CDH4: variants seen among roughly 807,000 people sequenced by gnomAD.
CDH4 encodes cadherin 4, also known as cadherin-4.
Under a neutral mutation model 86.0 loss-of-function variants are expected in CDH4, and 33 were observed. The ratio of observed to expected loss-of-function variants is 0.38; its 90% CI spans 0.29 to 0.51. The LOEUF is 0.51. Ranked by LOEUF, CDH4 falls within the 20% of genes least tolerant of loss-of-function variation. The pLI is 0.86. For synonymous variants in CDH4, 555 were observed against 549.4 expected (o/e 1.01, Z -0.14); for missense variants, 1,114 against 1,307.4 (o/e 0.85, Z 2.28).
chr20:61,324,142 G>T (rs2084524480), intron 2 of CDH4, among the ~76,000 whole-genome samples: 1 of 152,168 alleles, frequency 6.6e-6, no homozygotes, highest in South Asian at 2.1e-4. Flanking sequence ...GTCCAAATGT[G>T]GTCCTGGCCT....
chr20:61,505,200 T>C (rs574509898), intron 2 of CDH4, among the ~76,000 whole-genome samples: 1 of 152,228 alleles, frequency 6.6e-6, no homozygotes, highest in East Asian at 1.9e-4. Context: ...TACAGCAAAG[T>C]GATGGCTAAA....
chr20:61,651,083 T>C (rs6061695), intron 2 of CDH4, among the ~76,000 whole-genome samples: 51,250 of 151,814 alleles, frequency 0.34, 8,835 homozygotes, highest in East Asian at 0.58. Context: ...TGCTTGGCCG[T>C]GCACTGGTGT....
intron 2 of CDH4, among the ~76,000 whole-genome samples, chr20:61,288,528 G>T (rs1190665274): frequency 6.6e-6 from 1 of 152,220 alleles, no homozygotes; most frequent in Non-Finnish European, 1.5e-5. Context: ...AGCATGGGCT[G>T]GGGGCTCTGA....
chr20:61,419,940 G>A (rs906009186), intron 2 of CDH4, among the ~76,000 whole-genome samples: 1 of 152,222 alleles, frequency 6.6e-6, no homozygotes, highest in Non-Finnish European at 1.5e-5. Context: ...GCAGCTTCAT[G>A]AAAAGCACCC....
intron 2 of CDH4, among the ~76,000 whole-genome samples, chr20:61,606,320 G>A (rs983242238): frequency 1.3e-5 from 2 of 152,216 alleles, no homozygotes; most frequent in African/African-American, 2.4e-5. Context: ...ACAGCATGGG[G>A]GAGAGCTGCT....
chr20:61,770,882 CAAAA>C (rs4002953), intron 3 of CDH4, among the ~76,000 whole-genome samples: 1 of 111,978 alleles, frequency 8.9e-6, no homozygotes, highest in African/African-American at 3.5e-5. Flanking sequence ...GACTCCGTCT[CAAAA>C]AAAAAAAAAA....
At chr20:61,648,746 C>T (rs1344430306) in intron 2 of CDH4, among the ~76,000 whole-genome samples, 1 of 152,166 alleles carries the variant, frequency 6.6e-6, no homozygotes, top group Non-Finnish European at 1.5e-5. Context: ...ACTCTGGGTC[C>T]CAGTATTTGC....
intron 2 of CDH4, chr20:61,717,912 G>A (rs1423713524): frequency 1.3e-5 from 2 of 152,234 alleles, no homozygotes; most frequent in African/African-American, 4.8e-5. Context: ...ACAGGAGAGT[G>A]GGCTCTGGCA....
At chr20:61,546,183 T>C (rs888920202) in intron 2 of CDH4, among the ~76,000 whole-genome samples, 2 of 116,864 alleles carry the variant, frequency 1.7e-5, no homozygotes, top group Middle Eastern at 6.0e-3. Flanking sequence ...TGTGGGGGTA[T>C]GTGGGATACG....
chr20:61,652,938 A>ATTTTTTTATTTTTTTT (rs1555819717), intron 2 of CDH4, among the ~76,000 whole-genome samples: 131 of 97,384 alleles, frequency 1.3e-3, no homozygotes, highest in African/African-American at 4.1e-3. Flanking sequence ...TTATTTATTT[A>ATTTTTTTATTTTTTTT]TTTTTTTTTT....
chr20:61,627,867 T>C (rs1600819190), intron 2 of CDH4, among the ~76,000 whole-genome samples: 1 of 152,054 alleles, frequency 6.6e-6, no homozygotes, highest in South Asian at 2.1e-4. Context: ...TTCTCCCTTT[T>C]GTGTCGGTGT....
intron 2 of CDH4, among the ~76,000 whole-genome samples, chr20:61,454,352 T>C (rs1368320331): frequency 6.6e-6 from 1 of 151,890 alleles, no homozygotes; most frequent in Non-Finnish European, 1.5e-5. Context: ...GGGAAGGTTG[T>C]GATGGGAGGG....
At chr20:61,533,621 G>A (rs967116673) in intron 2 of CDH4, among the ~76,000 whole-genome samples, 2 of 152,232 alleles carry the variant, frequency 1.3e-5, no homozygotes, top group African/African-American at 4.8e-5. Context: ...GCCTCACTCT[G>A]CAATTAGAGC....
chr20:61,875,502 G>T (rs914123075), intron 7 of CDH4, among the ~76,000 whole-genome samples: 2 of 152,234 alleles, frequency 1.3e-5, no homozygotes, highest in Non-Finnish European at 2.9e-5. Flanking sequence ...GGACTCCAAG[G>T]ATCAGAGATG....
At chr20:61,834,998 C>G (rs571600896) in intron 4 of CDH4, among the ~76,000 whole-genome samples, 1 of 152,186 alleles carries the variant, frequency 6.6e-6, no homozygotes, top group Non-Finnish European at 1.5e-5. Context: ...CGTCACAGAC[C>G]GGCTTCCTAA....
intron 3 of CDH4, among the ~76,000 whole-genome samples, chr20:61,758,456 C>T (rs187009994): frequency 9.2e-5 from 14 of 152,272 alleles, no homozygotes; most frequent in East Asian, 3.9e-4. Context: ...TCTGTCCTGA[C>T]GCAATCGGAG....
chr20:61,616,812 C>T (rs1210357174), intron 2 of CDH4, among the ~76,000 whole-genome samples: 1 of 152,214 alleles, frequency 6.6e-6, no homozygotes, highest in Non-Finnish European at 1.5e-5. Context: ...TGCAGGGACG[C>T]AGGCCAGAAA....
At position 61,924,540 on chromosome 20, in the gene CDH4, G is replaced by A. The variant is rs943109256; in HGVS notation, c.1771+64G>A. 109 of 1,554,862 alleles carry A rather than the reference G, an allele frequency of 7.0e-5. No individual in the cohort carries two copies. In the East Asian group the frequency reaches 1.1e-3, roughly 16 times the overall value. ...TTCCCGTGTCCTGGGTTCTGTGGGCGAGGGAGGGTGCTGGCCAGGGAGACC... is the reference window on the plus strand; with the variant it reads ...TTCCCGTGTCCTGGGTTCTGTGGGCAAGGGAGGGTGCTGGCCAGGGAGACC... On this transcript the variant is annotated intron_variant, in intron 11 of 15. Transcript: ENST00000614565.
intron 4 of CDH4, among the ~76,000 whole-genome samples, chr20:61,792,638 C>CTGTGTG (rs139135636): frequency 1.3e-5 from 2 of 150,668 alleles, no homozygotes; most frequent in African/African-American, 4.9e-5. Flanking sequence ...TTAGATGATG[C>CTGTGTG]TGTGTGTGTG....
Sources: gnomAD v4.1 joint callset for allele counts (sites outside exome capture counted in the v4.1 genomes callset) on GRCh38, gnomAD v4.1.1 for gene constraint, MANE v1.5 for transcripts, NCBI Gene and HGNC (gene_info 2026-07-23, HGNC 2026-07-21) for gene names.